SGCZ: variants seen among roughly 807,000 people sequenced by gnomAD.
SGCZ encodes the protein zeta-sarcoglycan.
A neutral mutation model predicts 41.3 loss-of-function variants in SGCZ; 40 were observed. The observed-to-expected ratio is 0.97, with a 90% CI of 0.75 to 1.26. The LOEUF (loss-of-function observed/expected upper bound fraction) is 1.26, where lower values mean the gene tolerates loss of function less well. Ranked by LOEUF, SGCZ falls within the 50% of genes most tolerant of loss-of-function variation. The pLI is 0.00. For missense variants in SGCZ, 552 were observed against 369.8 expected, an observed-to-expected ratio of 1.49 and a Z score of -4.04; for synonymous variants, 206 against 137.5, an observed-to-expected ratio of 1.50 and a Z score of -3.49.
rs1170279642 is a variant in SGCZ at position 14,620,983 on chromosome 8, T to C, written c.40-66057A>G. 2.0e-5 allele frequency among the ~76,000 whole-genome samples: 3 copies of C among 152,236 alleles called. No homozygotes were observed. The East Asian group carries it at 5.8e-4, about 29-fold the overall frequency. ...TAAATCATGCTGCTGTAAAGACACA[T>C]GCATGCATATGTTTATTGCAGCGCT... On this transcript the variant is annotated intron_variant, in intron 1 of 7. Transcript: ENST00000382080.
intron 3 of SGCZ, among the ~76,000 whole-genome samples, chr8:14,270,292 A>C (rs563503701): frequency 6.6e-6 from 1 of 152,258 alleles, no homozygotes; most frequent in Non-Finnish European, 1.5e-5. Flanking sequence ...AGATCATGCC[A>C]CTGCACTCCT....
chr8:14,380,597 T>TGGCTCAGGCGGGGTGGCAAAGTAC (rs1177306248), intron 2 of SGCZ, among the ~76,000 whole-genome samples: 36 of 152,326 alleles, frequency 2.4e-4, no homozygotes, highest in Non-Finnish European at 3.2e-4. Context: ...CTCATGCCTG[T>TGGCTCAGGCGGGGTGGCAAAGTAC]AATCCCAGTA....
intron 3 of SGCZ, among the ~76,000 whole-genome samples, chr8:14,294,727 C>G (rs927120121): frequency 2.0e-5 from 3 of 151,916 alleles, no homozygotes; most frequent in Non-Finnish European, 2.9e-5. Flanking sequence ...AATAATAAAG[C>G]AAAAGCCCAA....
intron 2 of SGCZ, among the ~76,000 whole-genome samples, chr8:14,449,274 C>T (rs1321495608): frequency 2.6e-5 from 4 of 152,160 alleles, no homozygotes; most frequent in African/African-American, 9.7e-5. Context: ...ACATTGGGTT[C>T]ACATTGGCCT....
At chr8:14,332,332 T>C (rs1181911673) in intron 2 of SGCZ, among the ~76,000 whole-genome samples, 1 of 151,966 alleles carries the variant, frequency 6.6e-6, no homozygotes, top group Non-Finnish European at 1.5e-5. Flanking sequence ...TCCCAGCTAC[T>C]CAGGAGGTTG....
chr8:14,104,291 T>C (rs2116989486), intron 6 of SGCZ, among the ~76,000 whole-genome samples: 1 of 152,246 alleles, frequency 6.6e-6, no homozygotes, highest in African/African-American at 2.4e-5. Context: ...GCTTTCACAG[T>C]GGGTACCTGG....
In SGCZ at chr8:15,145,023, G is replaced by A. The variant is rs138243553; in HGVS notation, c.39+92562C>T. ...TTTTAGCTGTTTAGCCCTGTAGATTGTTCTCCTACGAGTACTTACAGATTT... is the reference window on the plus strand; with the variant it reads ...TTTTAGCTGTTTAGCCCTGTAGATTATTCTCCTACGAGTACTTACAGATTT... On this transcript the variant is annotated intron_variant, in intron 1 of 7. Transcript: ENST00000382080. Among the ~76,000 whole-genome samples, 227 of 152,244 alleles carry A rather than the reference G, an allele frequency of 1.5e-3. 3 individuals are homozygous for A. The East Asian group carries it at 0.039, about 26-fold the overall frequency.
chr8:14,898,604 T>C (rs1467016634), intron 1 of SGCZ, among the ~76,000 whole-genome samples: 1 of 152,090 alleles, frequency 6.6e-6, no homozygotes, highest in African/African-American at 2.4e-5. Context: ...GTGACAGGAA[T>C]AGAAGTGAAA....
At chr8:14,325,747 CATATATATATATATATATATATAT>C (rs370021799) in intron 2 of SGCZ, among the ~76,000 whole-genome samples, 5,785 of 69,450 alleles carry the variant, frequency 0.083, 626 homozygotes, top group African/African-American at 0.24. Context: ...CACACACACA[CATATATATATATATATATATATAT>C]ATATATATAT....
intron 4 of SGCZ, among the ~76,000 whole-genome samples, chr8:14,193,451 T>A (rs549463456): frequency 8.5e-5 from 13 of 152,068 alleles, no homozygotes; most frequent in Non-Finnish European, 1.8e-4. Context: ...AATGGTTTAA[T>A]CATACCTTTC....
At chr8:14,775,782 T>G (rs1800384511) in intron 1 of SGCZ, among the ~76,000 whole-genome samples, 1 of 152,158 alleles carries the variant, frequency 6.6e-6, no homozygotes, top group African/African-American at 2.4e-5. Context: ...AAATCAGAAT[T>G]GGTTATTGAG....
In SGCZ at chr8:14,154,330, C is replaced by T. The variant is rs536736492; in HGVS notation, c.547+10250G>A. On this transcript the variant is annotated intron_variant, in intron 5 of 7. Coordinates refer to ENST00000382080, the MANE Select transcript of SGCZ (RefSeq NM_139167.4). Reference sequence around the variant, plus strand: ...GGTGCAGTGAGCCGAGATCGTGCCACTGCACTCCAGCCTGAGCGACATAGC... The same window carrying T: ...GGTGCAGTGAGCCGAGATCGTGCCATTGCACTCCAGCCTGAGCGACATAGC... Among the ~76,000 whole-genome samples the T allele has an allele frequency of 3.5e-4, 53 of 152,206 alleles. 1 individual carries two copies. Among genetic ancestry groups the T allele is most frequent in the African/African-American group, 1.2e-3 (49 of 41,518 alleles).
chr8:14,968,416 C>A (rs1348298972), intron 1 of SGCZ, among the ~76,000 whole-genome samples: 1 of 152,026 alleles, frequency 6.6e-6, no homozygotes, highest in Admixed American at 6.6e-5. Context: ...TTGCTATAAA[C>A]CAGAGAAATA....
intron 4 of SGCZ, among the ~76,000 whole-genome samples, chr8:14,181,130 C>T (rs887230074): frequency 6.6e-5 from 10 of 152,076 alleles, no homozygotes; most frequent in East Asian, 1.9e-4. Flanking sequence ...ATAGGGCCAA[C>T]GGGAGAAAAC....
At chr8:14,251,170 G>C (rs778653876) in intron 3 of SGCZ, among the ~76,000 whole-genome samples, 14 of 152,078 alleles carry the variant, frequency 9.2e-5, no homozygotes, top group Non-Finnish European at 2.1e-4. Context: ...AGAGGTTGTG[G>C]TGAGCAGAGA....
At chr8:15,078,637 T>C (rs1805632300) in intron 1 of SGCZ, among the ~76,000 whole-genome samples, 1 of 152,120 alleles carries the variant, frequency 6.6e-6, no homozygotes, top group Non-Finnish European at 1.5e-5. Flanking sequence ...TAGTAAGTGA[T>C]GCACAATGTT....
At chr8:14,560,312 C>T (rs1804170295) in intron 1 of SGCZ, among the ~76,000 whole-genome samples, 1 of 147,496 alleles carries the variant, frequency 6.8e-6, no homozygotes, top group Non-Finnish European at 1.5e-5. Flanking sequence ...CAAAATACTA[C>T]ATCTACCCCA....
intron 1 of SGCZ, among the ~76,000 whole-genome samples, chr8:14,564,384 T>C (rs12546390): frequency 0.13 from 19,733 of 152,108 alleles, 1,662 homozygotes; most frequent in South Asian, 0.19. Context: ...TGCGACACAA[T>C]AGTTTAAAAT....
At chr8:15,068,505 C>G (rs1805233158) in intron 1 of SGCZ, among the ~76,000 whole-genome samples, 1 of 152,152 alleles carries the variant, frequency 6.6e-6, no homozygotes, top group South Asian at 2.1e-4. Context: ...CTCTTTATCT[C>G]CAAATTACAG....
Sources: gnomAD v4.1 joint callset for allele counts (sites outside exome capture counted in the v4.1 genomes callset) on GRCh38, gnomAD v4.1.1 for gene constraint, MANE v1.5 for transcripts, NCBI Gene and HGNC (gene_info 2026-07-23, HGNC 2026-07-21) for gene names.